The following PTGER4 variants were observed in gnomAD, a reference collection of about 807,000 sequenced individuals.
PTGER4 encodes the protein prostaglandin E receptor 4.
In PTGER4, 11 loss-of-function variants were observed where a neutral mutation model predicts 33.2. The ratio of observed to expected loss-of-function variants is 0.33; its 90% CI spans 0.21 to 0.55. The LOEUF is 0.55. Among genes scored for constraint, PTGER4 ranks in the 20% least tolerant of loss-of-function variants. PTGER4 has a pLI of 0.92. For missense variants in PTGER4, 481 were observed against 650.2 expected (o/e 0.74, Z 2.83); for synonymous variants, 275 against 281.5 (o/e 0.98, Z 0.23).
chr5:40,736,975 T>C, the PTGER4 span, among the ~76,000 whole-genome samples: 1 of 152,170 alleles, frequency 6.6e-6, no homozygotes, highest in Non-Finnish European at 1.5e-5. Flanking sequence ...GAATCATGAA[T>C]ACTCTAAGGT....
At chr5:40,689,011 A>G (rs1741399708) in intron 2 of PTGER4, among the ~76,000 whole-genome samples, 2 of 152,230 alleles carry the variant, frequency 1.3e-5, no homozygotes, top group Non-Finnish European at 1.5e-5. Context: ...TTCAGAATTC[A>G]GAATTTCTTG....
chr5:40,728,781 C>T, the PTGER4 span, among the ~76,000 whole-genome samples: 5 of 152,308 alleles, frequency 3.3e-5, no homozygotes, highest in South Asian at 1.0e-3. Context: ...AATTCCACTT[C>T]CATTTATTCT....
At chr5:40,719,361 T>A in the PTGER4 span, among the ~76,000 whole-genome samples, 1 of 152,264 alleles carries the variant, frequency 6.6e-6, no homozygotes, top group Non-Finnish European at 1.5e-5. Context: ...GTTTTTAAAG[T>A]TCATCCGTGT....
the PTGER4 span, among the ~76,000 whole-genome samples, chr5:40,710,746 C>G: frequency 1.4e-4 from 21 of 152,072 alleles, no homozygotes; most frequent in African/African-American, 5.1e-4. Flanking sequence ...ACTATGCAGC[C>G]ATAAAAAAGG....
rs45549433 is a variant in PTGER4 at position 40,686,770 on chromosome 5, T to G, written c.867+4910T>G. On this transcript the variant is annotated intron_variant, in intron 2 of 2. Coordinates refer to ENST00000302472, the MANE Select transcript of PTGER4 (RefSeq NM_000958.3). ...AAAATTAGGTGGGTGTGGTAACATG[T>G]GCCTGTGGTCCCAGCAACTTGGAAG... is the stretch of plus-strand genomic sequence containing the variant. Among the ~76,000 whole-genome samples the G allele has an allele frequency of 4.2e-3, 639 of 152,294 alleles. 3 individuals carry two copies. Among genetic ancestry groups the G allele is most frequent in the African/African-American group, 0.015 (613 of 41,552 alleles).
rs1479111466 is a variant in PTGER4 at position 40,679,985 on chromosome 5, C to G, written c.-537C>G. ...GAGAGGAAGATGAACAGCCCCAGGC[C>G]AGAGCCTCTGGCAGAGTGGACCCCG... On this transcript the variant is annotated 5_prime_UTR_variant, in exon 1 of 3. Coordinates refer to ENST00000302472, the MANE Select transcript of PTGER4 (RefSeq NM_000958.3). 1 of 152,882 alleles carries G rather than the reference C, an allele frequency of 6.5e-6. No individual in the cohort carries two copies. Among genetic ancestry groups the G allele is most frequent in the African/African-American group, 2.4e-5 (1 of 41,440 alleles). The allele number at this position is 152,882 out of a possible 1,614,324, so 9.5% of individuals were successfully genotyped here.
Position 40,681,699 on chromosome 5 carries a change from GT to G in PTGER4, c.708del (p.Ala237ProfsTer84), listed in dbSNP as rs1268540520. The G allele has an allele frequency of 6.3e-7, 1 of 1,581,388 alleles. No homozygotes were observed. On this transcript the variant is annotated frameshift_variant, in exon 2 of 3. Transcript: ENST00000302472. LOFTEE classifies it high-confidence loss of function. This position sits in a 1 kb window ranked among gnomAD's most constrained non-coding sequence, Gnocchi z 9.8. ...EQHHAAAAAS[V>X]ASRGHPAASP... ...GCACCACGCGGCCGCGGCCGCCTCG[GT>G]TGCCTCCCGGGGCCACCCCGCTGCC...
chr5:40,701,423 A>G, the PTGER4 span, among the ~76,000 whole-genome samples: 1 of 152,216 alleles, frequency 6.6e-6, no homozygotes, highest in East Asian at 1.9e-4. Flanking sequence ...CAAACTGAGG[A>G]AAGAATCTCA....
the PTGER4 span, among the ~76,000 whole-genome samples, chr5:40,699,903 T>C: frequency 3.3e-5 from 5 of 151,076 alleles, no homozygotes; most frequent in Admixed American, 1.3e-4. Context: ...AAAAGCTGTA[T>C]ATAAAGAATG....
the PTGER4 span, among the ~76,000 whole-genome samples, chr5:40,728,100 G>A: frequency 6.6e-6 from 1 of 151,690 alleles, no homozygotes; most frequent in African/African-American, 2.4e-5. Flanking sequence ...TGACTAACAT[G>A]GTGACACCCC....
At chr5:40,724,661 A>G in the PTGER4 span, among the ~76,000 whole-genome samples, 1 of 152,052 alleles carries the variant, frequency 6.6e-6, no homozygotes, top group Non-Finnish European at 1.5e-5. Flanking sequence ...CAAACAAAAA[A>G]AAACAGAACA....
chr5:40,697,097 A>AG, downstream of PTGER4, among the ~76,000 whole-genome samples: 1 of 60,408 alleles, frequency 1.7e-5, no homozygotes, highest in Non-Finnish European at 3.5e-5. Flanking sequence ...AAAGAAAGAG[A>AG]AAAGAAAGAA....
chr5:40,731,415 A>G, the PTGER4 span, among the ~76,000 whole-genome samples: 1 of 152,300 alleles, frequency 6.6e-6, no homozygotes, highest in Non-Finnish European at 1.5e-5. Context: ...GCAATAAAGA[A>G]CTGCCCAAGA....
the PTGER4 span, among the ~76,000 whole-genome samples, chr5:40,741,849 C>T: frequency 3.9e-4 from 59 of 152,120 alleles, no homozygotes; most frequent in Admixed American, 2.0e-4. Context: ...ATTAGCCAGG[C>T]GTGGTGGCAC....
chr5:40,737,325 T>G, the PTGER4 span, among the ~76,000 whole-genome samples: 1 of 151,158 alleles, frequency 6.6e-6, no homozygotes, highest in Admixed American at 6.6e-5. Flanking sequence ...ACTGGGGACT[T>G]CTGCTACTAT....
Position 40,681,907 on chromosome 5 carries a change from A to G in PTGER4, c.867+47A>G, listed in dbSNP as rs765742647. The G allele has an allele frequency of 3.4e-6, 5 of 1,463,188 alleles. No individual in the cohort carries two copies. The highest frequency in any genetic ancestry group is 4.4e-4 in the Middle Eastern group (2 of 4,532). 90.6% of individuals were successfully genotyped at this position (1,463,188 alleles called of 1,614,324 possible). ...CCTACTCGGCCTTTTTCTCGCATCC[A>G]CCTCCCGCGTCCATTCCCCGCTCCC... On this transcript the variant is annotated intron_variant, in intron 2 of 2. Coordinates refer to ENST00000302472, the MANE Select transcript of PTGER4 (RefSeq NM_000958.3). This position sits in a 1 kb window ranked among gnomAD's most constrained non-coding sequence, Gnocchi z 9.8.
chr5:40,742,744 T>G, the PTGER4 span, among the ~76,000 whole-genome samples: 1 of 152,180 alleles, frequency 6.6e-6, no homozygotes. Context: ...GTGCCATATT[T>G]TCATTCGGGA....
the PTGER4 span, among the ~76,000 whole-genome samples, chr5:40,722,746 G>T: frequency 6.6e-6 from 1 of 150,954 alleles, no homozygotes; most frequent in East Asian, 2.0e-4. Flanking sequence ...GGCAGCCCCT[G>T]CCCGGCCAGA....
Position 40,693,264 on chromosome 5 carries a change from A to T in PTGER4, c.*886A>T. 1.0e-6 allele frequency: 1 copy of T among 979,804 alleles called. No individual in the cohort carries two copies. Among genetic ancestry groups the T allele is most frequent in the Non-Finnish European group, 1.2e-6 (1 of 824,488 alleles). The allele number at this position is 979,804 out of a possible 1,614,324, so 60.7% of individuals were successfully genotyped here. On this transcript the variant is annotated 3_prime_UTR_variant, in exon 3 of 3. Transcript: ENST00000302472. ...ATTGGTACTTTTAAAAACATAACAT[A>T]AATTTTTTGAAGTCTTTAATAAATA...
Sources: gnomAD v4.1 joint callset for allele counts (sites outside exome capture counted in the v4.1 genomes callset) on GRCh38, gnomAD v4.1.1 for gene constraint, Gnocchi (gnomAD v3.1) non-coding constraint, MANE v1.5 for transcripts, NCBI Gene and HGNC (gene_info 2026-07-23, HGNC 2026-07-21) for gene names.